Variants in PSD3 observed in about 807,000 individuals in gnomAD.
PSD3 encodes the protein PH and SEC7 domain-containing protein 3.
A neutral mutation model predicts 105.5 loss-of-function variants in PSD3; 49 were observed. The ratio of observed to expected loss-of-function variants is 0.46; its 90% CI spans 0.37 to 0.59. The LOEUF is 0.59. PSD3 is among the 20% of genes least tolerant of loss of function. PSD3 has a pLI of 0.00. For missense variants in PSD3, 1,561 were observed against 1,263.8 expected (o/e 1.24, Z -3.57); for synonymous variants, 557 against 457.8 (o/e 1.22, Z -2.77).
At chr8:18,675,609 C>T (rs142184596) in intron 9 of PSD3, among the ~76,000 whole-genome samples, 2 of 152,222 alleles carry the variant, frequency 1.3e-5, no homozygotes, top group African/African-American at 4.8e-5. Context: ...TTCAAAGAAT[C>T]TACCTAGAAA....
intron 11 of PSD3, among the ~76,000 whole-genome samples, chr8:18,619,713 A>C (rs1192891457): frequency 6.6e-6 from 1 of 152,090 alleles, no homozygotes; most frequent in East Asian, 1.9e-4. Flanking sequence ...CTAACCATAA[A>C]ATTTCACTAA....
chr8:19,070,633 G>A (rs968958437), intron 1 of PSD3, among the ~76,000 whole-genome samples: 4 of 152,116 alleles, frequency 2.6e-5, no homozygotes, highest in East Asian at 1.9e-4. Context: ...AGCTGAGATC[G>A]TGCCACTGCA....
chr8:18,714,009 T>C (rs111586994), intron 9 of PSD3, among the ~76,000 whole-genome samples: 1,622 of 152,236 alleles, frequency 0.011, 29 homozygotes, highest in African/African-American at 0.035. Context: ...TCAACAAACC[T>C]GACAAAAGCA....
chr8:19,005,320 G>A (rs935784682), intron 1 of PSD3, among the ~76,000 whole-genome samples: 1 of 151,926 alleles, frequency 6.6e-6, no homozygotes, highest in Non-Finnish European at 1.5e-5. Context: ...GAAAACATGA[G>A]GAAAAAGCCA....
chr8:18,830,713 C>T (rs767405621), intron 4 of PSD3, among the ~76,000 whole-genome samples: 1 of 152,180 alleles, frequency 6.6e-6, no homozygotes, highest in Non-Finnish European at 1.5e-5. Context: ...AACCCGAACT[C>T]CACCCCTTCG....
upstream of PSD3, chr8:19,013,787 G>A (rs1284460770): frequency 9.3e-6 from 2 of 215,774 alleles, no homozygotes; most frequent in East Asian, 1.4e-4. Flanking sequence ...CCCCAGTAAC[G>A]TCAAAGCGAA....
rs72253853 is a variant in PSD3 at position 18,913,086 on chromosome 8, AACACACAC to A, written c.130+22940_130+22947del. ...CTTTATAAACACACACACACACACAAACACACACACACACACACACACACACACACACA... is the reference window on the plus strand; with the variant it reads ...CTTTATAAACACACACACACACACAAACACACACACACACACACACACACA... On this transcript the variant is annotated intron_variant, in intron 2 of 15. Transcript: ENST00000327040. Among the ~76,000 whole-genome samples the A allele has an allele frequency of 1.1e-3, 142 of 130,540 alleles. 1 individual carries two copies. Among genetic ancestry groups the A allele is most frequent in the East Asian group, 5.0e-3 (22 of 4,380 alleles). The allele number at this position is 130,540 out of a possible 152,430, so 85.6% of individuals were successfully genotyped here. A position where few individuals can be genotyped will look rare whatever the true frequency, so the allele number is the denominator to read the frequency against.
intron 10 of PSD3, among the ~76,000 whole-genome samples, chr8:18,643,263 C>T (rs1228113960): frequency 1.3e-5 from 2 of 152,174 alleles, no homozygotes; most frequent in African/African-American, 4.8e-5. Context: ...GCAGTAACAA[C>T]CTTAATCCAC....
At chr8:18,946,442 A>G (rs1177637166) in intron 1 of PSD3, among the ~76,000 whole-genome samples, 1 of 152,178 alleles carries the variant, frequency 6.6e-6, no homozygotes, top group Non-Finnish European at 1.5e-5. Context: ...TCAGCCAGGC[A>G]GAGTGTCATG....
intron 1 of PSD3, among the ~76,000 whole-genome samples, chr8:18,980,717 T>C (rs1164827400): frequency 1.3e-5 from 2 of 152,090 alleles, no homozygotes; most frequent in Non-Finnish European, 2.9e-5. Context: ...GCTTTCATTA[T>C]CCTAGAAATT....
intron 1 of PSD3, among the ~76,000 whole-genome samples, chr8:18,950,622 A>C (rs897774716): frequency 6.6e-6 from 1 of 152,224 alleles, no homozygotes; most frequent in East Asian, 1.9e-4. Context: ...AAGTGAGAAC[A>C]TGCAGTATTT....
At chr8:18,914,920 T>C (rs1176438736) in intron 2 of PSD3, among the ~76,000 whole-genome samples, 2 of 152,118 alleles carry the variant, frequency 1.3e-5, no homozygotes, top group African/African-American at 4.8e-5. Flanking sequence ...AAAACAAAGC[T>C]GGAGGCATCA....
chr8:18,718,467 AGAC>A (rs1207717770), intron 9 of PSD3, among the ~76,000 whole-genome samples: 9 of 152,246 alleles, frequency 5.9e-5, no homozygotes, highest in African/African-American at 2.2e-4. Context: ...TTAGCTTCAT[AGAC>A]AGATATACAG....
Position 18,538,244 on chromosome 8 carries a change from A to G in PSD3, c.2929-2286T>C, listed in dbSNP as rs568483052. On this transcript the variant is annotated intron_variant, in intron 15 of 15. Coordinates refer to ENST00000327040, the MANE Select transcript of PSD3 (RefSeq NM_015310.4). ...TATTTGCAGTTTAAAGCATTACTAA[A>G]CACACATTCCAATTTCAATAAAGAA... is the stretch of plus-strand genomic sequence containing the variant. Among the ~76,000 whole-genome samples the G allele has an allele frequency of 5.3e-5, 8 of 152,354 alleles. No homozygotes were observed. In the East Asian group the frequency reaches 1.4e-3, roughly 26 times the overall value.
intron 2 of PSD3, among the ~76,000 whole-genome samples, chr8:18,897,102 C>T (rs1300219855): frequency 6.6e-6 from 1 of 151,360 alleles, no homozygotes; most frequent in Non-Finnish European, 1.5e-5. Context: ...CCACCGTGCC[C>T]GGCCTATGTT....
At position 18,650,797 on chromosome 8, in the gene PSD3, T is replaced by C. The variant is rs184921134; in HGVS notation, c.2216+4845A>G. Reference sequence around the variant, plus strand: ...ATGAGACTAGCAAATTAATACAACATTCTCTTAATGTGCACTGTATCAAAG... The same window carrying C: ...ATGAGACTAGCAAATTAATACAACACTCTCTTAATGTGCACTGTATCAAAG... On this transcript the variant is annotated intron_variant, in intron 10 of 15. Coordinates refer to ENST00000327040, the MANE Select transcript of PSD3 (RefSeq NM_015310.4). 2.6e-5 allele frequency among the ~76,000 whole-genome samples: 4 copies of C among 152,348 alleles called. No homozygotes were observed. In the East Asian group the frequency reaches 7.7e-4, roughly 29 times the overall value.
intron 9 of PSD3, among the ~76,000 whole-genome samples, chr8:18,742,426 C>G (rs1804647668): frequency 6.6e-6 from 1 of 152,078 alleles, no homozygotes; most frequent in African/African-American, 2.4e-5. Flanking sequence ...ACACAGGCAT[C>G]AAACCAAGCA....
At chr8:19,076,649 C>T (rs61132145) in intron 1 of PSD3, among the ~76,000 whole-genome samples, 13,159 of 152,168 alleles carry the variant, frequency 0.086, 705 homozygotes, top group Middle Eastern at 0.17. Context: ...ATATGAAATG[C>T]TCATTAGAAA....
At chr8:18,582,885 G>A (rs778351253) in intron 12 of PSD3, among the ~76,000 whole-genome samples, 10 of 148,204 alleles carry the variant, frequency 6.7e-5, no homozygotes, top group Non-Finnish European at 1.3e-4. Flanking sequence ...GAGTGCAGTG[G>A]CAAGATCTCG....
Sources: gnomAD v4.1 joint callset for allele counts (sites outside exome capture counted in the v4.1 genomes callset) on GRCh38, gnomAD v4.1.1 for gene constraint, MANE v1.5 for transcripts, NCBI Gene and HGNC (gene_info 2026-07-23, HGNC 2026-07-21) for gene names.